Variants in ALDH1L1 observed in about 807,000 individuals in gnomAD.
ALDH1L1 encodes cytosolic 10-formyltetrahydrofolate dehydrogenase.
Under a neutral mutation model 101.1 loss-of-function variants are expected in ALDH1L1, and 68 were observed. The ratio of observed to expected loss-of-function variants is 0.67; its 90% confidence interval spans 0.55 to 0.82. The LOEUF is 0.82. Among genes scored for constraint, ALDH1L1 ranks in the 40% least tolerant of loss-of-function variants. The pLI is 0.00. For missense variants in ALDH1L1, 1,087 were observed against 1,172.7 expected (o/e 0.93, Z 1.07); for synonymous variants, 486 against 470.8 (o/e 1.03, Z -0.42).
intron 12 of ALDH1L1, among the ~76,000 whole-genome samples, 181 bp from the exon 13 acceptor site, chr3:126,131,715 A>G (rs921752329): frequency 6.6e-6 from 1 of 152,238 alleles, no homozygotes; most frequent in Non-Finnish European, 1.5e-5. Flanking sequence ...TCCACCGGAT[A>G]GCTGTGAGGA....
At chr3:126,180,674 C>T (rs1422034585), upstream of ALDH1L1, 29 of 1,354,652 alleles carry the variant, frequency 2.1e-5, no homozygotes, top group Admixed American at 1.2e-4. Context: ...GTGGGGGCGG[C>T]GCTCACCGGT....
At chr3:126,186,511 C>G (rs28535755), upstream of ALDH1L1, among the ~76,000 whole-genome samples, 2 of 118,250 alleles carry the variant, frequency 1.7e-5, no homozygotes, top group East Asian at 2.4e-4. Context: ...CTGACCCTGA[C>G]CCTGACCCTG....
chr3:126,180,516 C>A lies in ALDH1L1; in HGVS notation c.-64G>T. 1 of 1,014,118 alleles carries A rather than the reference C, an allele frequency of 9.9e-7. No individual in the cohort carries two copies. Among genetic ancestry groups the A allele is most frequent in the Non-Finnish European group, 1.2e-6 (1 of 847,074 alleles). 62.8% of individuals were successfully genotyped at this position (1,014,118 alleles called of 1,614,324 possible). A position where few individuals can be genotyped will look rare whatever the true frequency, so the allele number is the denominator to read the frequency against. On this transcript the variant is annotated 5_prime_UTR_variant, in exon 1 of 23. Transcript: ENST00000393434. Reference sequence around the variant, plus strand: ...GTGCGGGCGTCCCGGGCAGGTTAGACTTCTGTGAGCCGCAGCCCCGAAACT... The same window carrying A: ...GTGCGGGCGTCCCGGGCAGGTTAGAATTCTGTGAGCCGCAGCCCCGAAACT...
At chr3:126,124,319 C>A (rs1380608266) in intron 16 of ALDH1L1, 45 bp downstream of exon 16, 5 of 1,530,822 alleles carry the variant, frequency 3.3e-6, no homozygotes, top group Admixed American at 3.7e-5. Flanking sequence ...AATGGCATCT[C>A]CAGCTGCCAG....
intron 9 of ALDH1L1, among the ~76,000 whole-genome samples, chr3:126,140,610 C>A (rs1439824484): frequency 6.6e-6 from 1 of 151,726 alleles, no homozygotes; most frequent in African/African-American, 2.4e-5. Flanking sequence ...AATGGGTATA[C>A]AATGTATAAA....
intron 19 of ALDH1L1, 128 bp downstream of exon 19, chr3:126,112,654 G>T: frequency 1.2e-6 from 1 of 822,608 alleles, no homozygotes; most frequent in Non-Finnish European, 2.0e-6. Context: ...TGACCCCCGG[G>T]GGGAGTGTCC....
In ALDH1L1 at chr3:126,160,753, C is replaced by T; in HGVS notation, c.127+100G>A. The T allele has an allele frequency of 5.9e-6, 9 of 1,532,726 alleles. No homozygotes were observed. The South Asian group carries it at 8.8e-5, about 15-fold the overall frequency. 94.9% of individuals were successfully genotyped at this position (1,532,726 alleles called of 1,614,324 possible). A position where few individuals can be genotyped will look rare whatever the true frequency, so the allele number is the denominator to read the frequency against. ...GCTGCCTCCCAGCTAGAGCACAGGC[C>T]CTGCAGACTTCTGCTCCCAGACTCC... On this transcript the variant is annotated intron_variant, in intron 2 of 22. Transcript: ENST00000393434.
chr3:126,171,550 G>T lies in ALDH1L1; in HGVS notation c.-24+8926C>A, dbSNP rs550519659. Among the ~76,000 whole-genome samples the T allele has an allele frequency of 1.8e-4, 28 of 152,314 alleles. No homozygotes were observed. In the South Asian group the frequency reaches 5.8e-3, roughly 32 times the overall value. ...AATAAATGTCTTAACTGGCAAGCCAGCTTTTGTATTTCTTTCCTCTTTCTT... is the reference window on the plus strand; with the variant it reads ...AATAAATGTCTTAACTGGCAAGCCATCTTTTGTATTTCTTTCCTCTTTCTT... On this transcript the variant is annotated intron_variant, in intron 1 of 22. Coordinates refer to ENST00000393434, the MANE Select transcript of ALDH1L1 (RefSeq NM_012190.4).
chr3:126,159,279 C>T (rs2080989487), intron 2 of ALDH1L1: 5 of 384,560 alleles, frequency 1.3e-5, no homozygotes, highest in Non-Finnish European at 2.0e-5. Flanking sequence ...TGCAGGGCCC[C>T]TCCTCCTGCC....
chr3:126,164,424 T>G (rs2081124095), intron 1 of ALDH1L1, among the ~76,000 whole-genome samples: 1 of 152,208 alleles, frequency 6.6e-6, no homozygotes, highest in Non-Finnish European at 1.5e-5. Context: ...CCATTTTATG[T>G]GCATGTGTGC....
At chr3:126,150,592 T>C in intron 7 of ALDH1L1, 61 bp from the exon 8 acceptor site, 1 of 1,501,388 alleles carries the variant, frequency 6.7e-7, no homozygotes, top group South Asian at 1.2e-5. Flanking sequence ...TCTTGCTCTG[T>C]TGCCCAGGCT....
intron 1 of ALDH1L1, among the ~76,000 whole-genome samples, chr3:126,174,238 C>T (rs1046549970): frequency 6.6e-6 from 1 of 152,210 alleles, no homozygotes; most frequent in Non-Finnish European, 1.5e-5. Flanking sequence ...CCATGTTGGT[C>T]AGGCTGGTCT....
At chr3:126,183,602 T>C (rs2081493764), upstream of ALDH1L1, among the ~76,000 whole-genome samples, 1 of 152,222 alleles carries the variant, frequency 6.6e-6, no homozygotes, top group Non-Finnish European at 1.5e-5. Flanking sequence ...AGGAAGATTT[T>C]AGAATTGCCG....
intron 1 of ALDH1L1, among the ~76,000 whole-genome samples, chr3:126,167,311 T>A (rs2108316775): frequency 6.6e-6 from 1 of 152,314 alleles, no homozygotes; most frequent in East Asian, 1.9e-4. Flanking sequence ...TAAGGTAGTC[T>A]CCTTCTTTTC....
chr3:126,196,933 T>G (rs1018493563), intron 1 of ALDH1L1, among the ~76,000 whole-genome samples: 3 of 152,218 alleles, frequency 2.0e-5, no homozygotes, highest in African/African-American at 7.2e-5. Flanking sequence ...AGTAGTTAAT[T>G]TTGAGCTTGC....
intron 5 of ALDH1L1, 94 bp from the exon 6 acceptor site, chr3:126,154,737 C>G (rs1427810342): frequency 8.7e-7 from 1 of 1,154,458 alleles, no homozygotes; most frequent in Non-Finnish European, 1.3e-6. Context: ...TCTTGTGAGA[C>G]AGCTGGTAAC....
At chr3:126,127,466 G>A (rs3821463) in intron 14 of ALDH1L1, among the ~76,000 whole-genome samples, 95,873 of 151,648 alleles carry the variant, frequency 0.63, 30,401 homozygotes, top group Middle Eastern at 0.72. Context: ...GCCCTCTGAC[G>A]CTCCTGGGGA....
Position 126,138,860 on chromosome 3 carries a change from T to C in ALDH1L1, c.1077-900A>G, listed in dbSNP as rs541250527. Among the ~76,000 whole-genome samples the C allele has an allele frequency of 3.3e-5, 5 of 152,378 alleles. No individual in the cohort carries two copies. In the South Asian group the frequency reaches 1.0e-3, roughly 32 times the overall value. On this transcript the variant is annotated intron_variant, in intron 9 of 22. Coordinates refer to ENST00000393434, the MANE Select transcript of ALDH1L1 (RefSeq NM_012190.4). Reference sequence around the variant, plus strand: ...ATGTATCCCCTTATCTAAATAACTATGGAACTTACATGAATCAAATATGTT... The same window carrying C: ...ATGTATCCCCTTATCTAAATAACTACGGAACTTACATGAATCAAATATGTT...
chr3:126,162,440 C>CAAA (rs1372002996), intron 1 of ALDH1L1, among the ~76,000 whole-genome samples: 2 of 152,160 alleles, frequency 1.3e-5, no homozygotes, highest in African/African-American at 4.8e-5. Flanking sequence ...AATGCCTTTT[C>CAAA]CTGTTTCTTG....
Sources: gnomAD v4.1 joint callset for allele counts (sites outside exome capture counted in the v4.1 genomes callset) on GRCh38, gnomAD v4.1.1 for gene constraint, MANE v1.5 for transcripts, NCBI Gene and HGNC (gene_info 2026-07-23, HGNC 2026-07-21) for gene names.